The following RGSL1 variants were observed in gnomAD, a reference collection of about 807,000 sequenced individuals.
RGSL1 encodes regulator of G protein signaling like 1, also known as regulator of G protein signaling protein-like.
A neutral mutation model predicts 124.7 loss-of-function variants in RGSL1; 97 were observed. The ratio of observed to expected loss-of-function variants is 0.78; its 90% confidence interval spans 0.66 to 0.92. The LOEUF (loss-of-function observed/expected upper bound fraction) is 0.92. Ranked by LOEUF, RGSL1 falls within the 40% of genes least tolerant of loss-of-function variation. The pLI, the probability that RGSL1 is intolerant of heterozygous loss-of-function variation, is 0.00. For synonymous variants in RGSL1, 424 were observed against 438.1 expected, an observed-to-expected ratio of 0.97 and a Z score of 0.40; for missense variants, 1,233 against 1,288.4, an observed-to-expected ratio of 0.96 and a Z score of 0.66.
chr1:182,522,407 T>C (rs180779916), intron 10 of RGSL1, among the ~76,000 whole-genome samples: 1 of 152,330 alleles, frequency 6.6e-6, no homozygotes, highest in African/African-American at 2.4e-5. Flanking sequence ...TATATAGACA[T>C]TTACATTGTC....
chr1:182,528,106 C>G (rs1658888668), intron 11 of RGSL1, among the ~76,000 whole-genome samples: 1 of 152,104 alleles, frequency 6.6e-6, no homozygotes, highest in Admixed American at 6.5e-5. Flanking sequence ...CAGAAGGCAC[C>G]TCTTCATGGA....
intron 6 of RGSL1, among the ~76,000 whole-genome samples, chr1:182,483,845 G>C (rs1303734453): frequency 6.6e-6 from 1 of 152,096 alleles, no homozygotes; most frequent in Non-Finnish European, 1.5e-5. Flanking sequence ...TCAAGCCCCG[G>C]GGTTCGGTTG....
At chr1:182,452,357 A>T (rs1287766743) in intron 1 of RGSL1, among the ~76,000 whole-genome samples, 1 of 152,160 alleles carries the variant, frequency 6.6e-6, no homozygotes, top group Non-Finnish European at 1.5e-5. Context: ...TACACATAAA[A>T]CACACATAGC....
rs1558264810 is a variant in RGSL1, at chr1:182,474,462, A to G, written c.1351A>G (p.Thr451Ala). The change falls in exon 6 of 22, where the codon ACC becomes GCC. Residue 451 changes from threonine to alanine, a missense_variant. By Grantham distance (58) the Thr-to-Ala change is moderately conservative (BLOSUM62 0). Transcript: ENST00000294854. ...TCCGTGCTTACCACTCAAATCCCAA[A>G]CCATTCAGGGCCTGAAGGAACTATT... ...IGPCLPLKSQTIQGLKELLPS... is the reference protein window; with the variant it reads ...IGPCLPLKSQAIQGLKELLPS... 1.3e-6 allele frequency: 2 copies of G among 1,551,872 alleles called. No individual in the cohort carries two copies. Among genetic ancestry groups the G allele is most frequent in the South Asian group, 1.2e-5 (1 of 84,058 alleles).
intron 20 of RGSL1, 167 bp from the exon 21 acceptor site, chr1:182,555,857 G>A: frequency 1.6e-6 from 1 of 633,982 alleles, no homozygotes; most frequent in Non-Finnish European, 2.8e-6. Context: ...TAAGGCCTTG[G>A]GGAAGAAGGT....
At chr1:182,544,579 C>G (rs958626932) in intron 15 of RGSL1, among the ~76,000 whole-genome samples, 3 of 130,204 alleles carry the variant, frequency 2.3e-5, no homozygotes, top group African/African-American at 5.5e-5. Context: ...CTGTCCATTA[C>G]TAAGAGTGGG....
chr1:182,527,279 C>T (rs566012791), intron 10 of RGSL1, among the ~76,000 whole-genome samples: 2 of 152,212 alleles, frequency 1.3e-5, no homozygotes, highest in African/African-American at 2.4e-5. Flanking sequence ...AATTAGGAGT[C>T]GTTTTGAACC....
At position 182,508,290 on chromosome 1, in the gene RGSL1, G is replaced by GTTTTTTT. The variant is rs58641894; in HGVS notation, c.1826-13695_1826-13689dup. 2.2e-3 allele frequency among the ~76,000 whole-genome samples: 120 copies of GTTTTTTT among 53,768 alleles called. 9 individuals carry two copies. Among genetic ancestry groups the GTTTTTTT allele is most frequent in the African/African-American group, 4.8e-3 (61 of 12,632 alleles). 35.3% of individuals were successfully genotyped at this position (53,768 alleles called of 152,430 possible). ...GGTGATGGTTGTTGGTGGTGGTGGT[G>GTTTTTTT]TTTTTTTTTTTTTTTTTTTTTTTTT... On this transcript the variant is annotated intron_variant, in intron 9 of 21. Transcript: ENST00000294854.
intron 9 of RGSL1, among the ~76,000 whole-genome samples, chr1:182,499,050 C>T (rs1368661106): frequency 6.6e-6 from 1 of 152,220 alleles, no homozygotes; most frequent in Non-Finnish European, 1.5e-5. Flanking sequence ...GCCTCAACCT[C>T]CCAAAGTGCT....
intron 9 of RGSL1, among the ~76,000 whole-genome samples, chr1:182,498,593 C>A (rs1571576497): frequency 6.6e-6 from 1 of 152,164 alleles, no homozygotes; most frequent in African/African-American, 2.4e-5. Flanking sequence ...ACTCAGAAGT[C>A]ATTCAGGAGC....
At chr1:182,452,867 A>G (rs184530070) in intron 1 of RGSL1, among the ~76,000 whole-genome samples, 4 of 152,328 alleles carry the variant, frequency 2.6e-5, no homozygotes, top group African/African-American at 9.6e-5. Context: ...TGTGCATGGC[A>G]CTTACTGTCC....
chr1:182,476,153 C>G lies in RGSL1; in HGVS notation c.1431+1611C>G, dbSNP rs116142935. The stretch of plus-strand genomic sequence containing the variant: ...AGAATAGATCAGTCTAGTGGATCCA[C>G]AACCAAAGTTCTCCTTTGCTCAATT... On this transcript the variant is annotated intron_variant, in intron 6 of 21. Coordinates refer to ENST00000294854, the MANE Select transcript of RGSL1 (RefSeq NM_001137669.2). Among the ~76,000 whole-genome samples the G allele has an allele frequency of 6.9e-3, 1,048 of 152,296 alleles. 12 individuals carry two copies. The highest frequency in any genetic ancestry group is 0.022 in the African/African-American group (914 of 41,556).
chr1:182,526,496 C>T (rs1658750349), intron 10 of RGSL1, among the ~76,000 whole-genome samples: 1 of 135,698 alleles, frequency 7.4e-6, no homozygotes, highest in South Asian at 2.4e-4. Context: ...GGTGAAACTC[C>T]GTCTCTAAAA....
At chr1:182,457,248 T>A (rs1408444097) in intron 2 of RGSL1, among the ~76,000 whole-genome samples, 1 of 152,180 alleles carries the variant, frequency 6.6e-6, no homozygotes, top group African/African-American at 2.4e-5. Flanking sequence ...GCTCCAGGCC[T>A]GATGTGTTTT....
At chr1:182,462,041 CAA>C (rs1350562644) in intron 4 of RGSL1, among the ~76,000 whole-genome samples, 1 of 151,354 alleles carries the variant, frequency 6.6e-6, no homozygotes, top group Non-Finnish European at 1.5e-5. Context: ...AAGATGAACT[CAA>C]AGAGATCCAC....
chr1:182,512,774 C>G (rs1558348892), intron 9 of RGSL1, among the ~76,000 whole-genome samples: 1 of 152,184 alleles, frequency 6.6e-6, no homozygotes, highest in Non-Finnish European at 1.5e-5. Flanking sequence ...TGGCTCTCAG[C>G]AGAATGGATG....
intron 9 of RGSL1, among the ~76,000 whole-genome samples, chr1:182,512,439 C>G (rs1657530178): frequency 6.6e-6 from 1 of 152,132 alleles, no homozygotes; most frequent in South Asian, 2.1e-4. Flanking sequence ...GAAGGTGCAA[C>G]AGGGGTGTGG....
In RGSL1 at chr1:182,527,645, G is replaced by T; in HGVS notation, c.1998G>T (p.Arg666=). ...LEFFREFLKE[R]KAKIPLQFLT... is the part of the protein sequence containing the mutation. ...TCTTCAGGGAGTTCCTCAAGGAACG[G>T]AAGGCTAAAATCCCATTGCAATTTC... is the stretch of plus-strand genomic sequence containing the variant. Residue 666 remains arginine (R), a synonymous_variant, in exon 11 of 22, where the codon CGG becomes CGT. Transcript: ENST00000294854. The T allele has an allele frequency of 6.4e-7, 1 of 1,551,606 alleles. No individual in the cohort carries two copies. The highest frequency in any genetic ancestry group is 2.4e-5 in the East Asian group (1 of 40,932).
At chr1:182,553,185 T>G (rs1571722284) in intron 18 of RGSL1, among the ~76,000 whole-genome samples, 1 of 152,196 alleles carries the variant, frequency 6.6e-6, no homozygotes, top group Admixed American at 6.5e-5. Context: ...ATTACAGGCA[T>G]GAGCCACTGT....
Sources: allele counts gnomAD v4.1 joint callset (sites outside exome capture counted in the v4.1 genomes callset), GRCh38; gene constraint gnomAD v4.1.1; transcripts MANE v1.5; gene names NCBI Gene and HGNC (gene_info 2026-07-23, HGNC 2026-07-21).